RBM27: variants seen among roughly 807,000 people sequenced by gnomAD.
RBM27 encodes the protein RNA-binding protein 27.
A neutral mutation model predicts 135.3 loss-of-function variants in RBM27; 22 were observed. That is an observed-to-expected ratio of 0.16 (90% confidence interval 0.12 to 0.23). The LOEUF (loss-of-function observed/expected upper bound fraction) is 0.23, where lower values mean the gene tolerates loss of function less well. Ranked by LOEUF, RBM27 falls within the 10% of genes least tolerant of loss-of-function variation. The pLI is 1.00. For synonymous variants in RBM27, 481 were observed against 442.4 expected (o/e 1.09, Z -1.10); for missense variants, 1,009 against 1,281.0 (o/e 0.79, Z 3.24).
intron 8 of RBM27, among the ~76,000 whole-genome samples, chr5:146,243,627 G>A (rs1316618272): frequency 6.6e-6 from 1 of 152,214 alleles, no homozygotes; most frequent in Non-Finnish European, 1.5e-5. Context: ...AAAAAGATTA[G>A]AAGTTTGATT....
At chr5:146,204,878 A>G (rs940943236) in intron 1 of RBM27, among the ~76,000 whole-genome samples, 2 of 152,108 alleles carry the variant, frequency 1.3e-5, no homozygotes, top group Non-Finnish European at 2.9e-5. Flanking sequence ...AAGAGGTAAC[A>G]GATGTATCAA....
Position 146,230,717 on chromosome 5 carries a change from C to T in RBM27, c.650C>T (p.Pro217Leu). The T allele has an allele frequency of 6.2e-7, 1 of 1,613,794 alleles. No individual in the cohort carries two copies. Among genetic ancestry groups the T allele is most frequent in the Non-Finnish European group, 8.5e-7 (1 of 1,179,732 alleles). Residue 217 changes from proline (P) to leucine (L), a missense_variant, in exon 6 of 21, where the codon CCT becomes CTT. By Grantham distance (98) the Pro-to-Leu change is moderately conservative. Coordinates refer to ENST00000265271, the MANE Select transcript of RBM27 (RefSeq NM_018989.2). ...AATGACCTGGAGAGTTCCTATGTGC[C>T]TGTGTCTGCACCACCTCCAAACTCT... ...ERNDLESSYV[P>L]VSAPPPNSSE...
intron 3 of RBM27, among the ~76,000 whole-genome samples, chr5:146,227,067 C>G (rs969901275): frequency 3.0e-4 from 45 of 152,166 alleles, no homozygotes; most frequent in African/African-American, 8.9e-4. Flanking sequence ...TTTTAACTTT[C>G]TTCCTTGGTC....
intron 7 of RBM27, among the ~76,000 whole-genome samples, chr5:146,235,855 A>T (rs879749676): frequency 2.0e-5 from 3 of 151,424 alleles, no homozygotes; most frequent in Admixed American, 2.0e-4. Flanking sequence ...GCCTGGCTAA[A>T]TTTTTTTGGA....
intron 3 of RBM27, among the ~76,000 whole-genome samples, chr5:146,226,762 T>A (rs6898891): frequency 2.6e-5 from 4 of 152,208 alleles, no homozygotes; most frequent in African/African-American, 9.6e-5. Flanking sequence ...GATACAATTT[T>A]GAGAATTGTG....
At chr5:146,263,256 T>C (rs1186579868) in intron 13 of RBM27, among the ~76,000 whole-genome samples, 3 of 152,208 alleles carry the variant, frequency 2.0e-5, no homozygotes, top group Non-Finnish European at 2.9e-5. Flanking sequence ...TTTTTTTGTG[T>C]GTAGGTGCAT....
rs745317049 is a variant in RBM27, at chr5:146,229,016, G to A, written c.374G>A (p.Arg125His). The change falls in exon 4 of 21, where the codon CGT becomes CAT. Residue 125 changes from arginine to histidine, a missense_variant. Transcript: ENST00000265271. ...AAATATCCTAGTCCCCAGAAGACTC[G>A]TTCAGAATCTAGTGAACGAAGGTTT... The part of the protein sequence containing the change: ...KKKYPSPQKT[R>H]SESSERRTRE... 1.9e-5 allele frequency: 30 copies of A among 1,613,444 alleles called. No homozygotes were observed. Among genetic ancestry groups the A allele is most frequent in the Admixed American group, 1.0e-4 (6 of 59,964 alleles).
At chr5:146,263,673 A>T (rs1271943954) in intron 14 of RBM27, 42 bp downstream of exon 14, 1 of 1,599,000 alleles carries the variant, frequency 6.3e-7, no homozygotes, top group African/African-American at 1.3e-5. Flanking sequence ...AGAATCATTC[A>T]GTGAATTAAC....
chr5:146,253,588 A>G (rs911055287), intron 9 of RBM27, among the ~76,000 whole-genome samples: 46 of 152,106 alleles, frequency 3.0e-4, no homozygotes, highest in African/African-American at 1.0e-3. Context: ...GGTGGGAGGA[A>G]GAGAAGGAAT....
At chr5:146,279,807 CAAAA>C (rs766177641) in intron 19 of RBM27, among the ~76,000 whole-genome samples, 8 of 55,222 alleles carry the variant, frequency 1.4e-4, no homozygotes, top group African/African-American at 2.8e-4. Flanking sequence ...GACTCTGTCT[CAAAA>C]AAAAAAAAAA....
At chr5:146,273,662 A>G (rs1320528573) in intron 19 of RBM27, among the ~76,000 whole-genome samples, 1 of 152,222 alleles carries the variant, frequency 6.6e-6, no homozygotes, top group Non-Finnish European at 1.5e-5. Flanking sequence ...TAGCAAACAT[A>G]AAAGGAAACT....
chr5:146,211,384 A>G (rs903806366), intron 1 of RBM27, among the ~76,000 whole-genome samples: 2 of 151,748 alleles, frequency 1.3e-5, no homozygotes, highest in African/African-American at 4.8e-5. Context: ...AGAAGTACCA[A>G]TATATGTGTA....
chr5:146,239,467 CTTTTCTT>C (rs1459950810), intron 8 of RBM27, among the ~76,000 whole-genome samples: 62 of 130,828 alleles, frequency 4.7e-4, no homozygotes, highest in African/African-American at 1.7e-3. Flanking sequence ...TTTTTTTTTC[CTTTTCTT>C]TTTTTTTTTT....
At position 146,255,059 on chromosome 5, in the gene RBM27, C is replaced by G; in HGVS notation, c.1561C>G (p.Leu521Val). 6.2e-7 allele frequency: 1 copy of G among 1,612,726 alleles called. No homozygotes were observed. The highest frequency in any genetic ancestry group is 8.5e-7 in the Non-Finnish European group (1 of 1,179,040). Residue 521 changes from leucine to valine, a missense_variant, in exon 10 of 21, where the codon CTA (leucine) becomes GTA (valine). Coordinates refer to ENST00000265271, the MANE Select transcript of RBM27 (RefSeq NM_018989.2). ...GACACAGCGTCCCAATCTGATTGGC[C>G]TAACATCTGGAGATATGGATGTAAA... Reference protein sequence around the residue: ...TQTQRPNLIGLTSGDMDVNPR... With the variant: ...TQTQRPNLIGVTSGDMDVNPR...
At chr5:146,283,720 G>T (rs1466913506) in intron 19 of RBM27, among the ~76,000 whole-genome samples, 1 of 152,124 alleles carries the variant, frequency 6.6e-6, no homozygotes, top group Non-Finnish European at 1.5e-5. Flanking sequence ...ATGGATTTAT[G>T]AGTCTGCTCT....
At chr5:146,284,088 T>C (rs1010008826) in intron 19 of RBM27, among the ~76,000 whole-genome samples, 6 of 152,198 alleles carry the variant, frequency 3.9e-5, no homozygotes, top group South Asian at 4.1e-4. Context: ...GTTAGGATAG[T>C]ATTAGGCATT....
intron 8 of RBM27, among the ~76,000 whole-genome samples, chr5:146,249,553 G>A (rs1757787845): frequency 6.6e-6 from 1 of 151,666 alleles, no homozygotes; most frequent in Non-Finnish European, 1.5e-5. Flanking sequence ...TGGGCGTGGT[G>A]GTGGGCACCA....
At chr5:146,246,065 T>A (rs1757611473) in intron 8 of RBM27, among the ~76,000 whole-genome samples, 2 of 152,140 alleles carry the variant, frequency 1.3e-5, no homozygotes, top group Admixed American at 6.5e-5. Flanking sequence ...CATTTTTTCT[T>A]TAAGTGACTG....
chr5:146,274,391 A>G (rs771425583), intron 19 of RBM27, among the ~76,000 whole-genome samples: 1 of 151,864 alleles, frequency 6.6e-6, no homozygotes, highest in Non-Finnish European at 1.5e-5. Flanking sequence ...TGAGTAGCTG[A>G]GACTACAGGC....
Sources: allele counts gnomAD v4.1 joint callset (sites outside exome capture counted in the v4.1 genomes callset), GRCh38; gene constraint gnomAD v4.1.1; transcripts MANE v1.5; gene names NCBI Gene and HGNC (gene_info 2026-07-23, HGNC 2026-07-21).